TSHZ2: variants seen among roughly 807,000 people sequenced by gnomAD.
TSHZ2 encodes the protein teashirt homolog 2.
A neutral mutation model predicts 74.4 loss-of-function variants in TSHZ2; 21 were observed. The ratio of observed to expected loss-of-function variants is 0.28; its 90% CI spans 0.20 to 0.41. TSHZ2 has a LOEUF of 0.41. Ranked by LOEUF, TSHZ2 falls within the 10% of genes least tolerant of loss-of-function variation. The pLI is 1.00. For synonymous variants in TSHZ2, 540 were observed against 515.3 expected (o/e 1.05, Z -0.65); for missense variants, 1,244 against 1,293.5 (o/e 0.96, Z 0.59).
At chr20:53,151,581 A>C (rs1987678181) in intron 1 of TSHZ2, among the ~76,000 whole-genome samples, 1 of 152,230 alleles carries the variant, frequency 6.6e-6, no homozygotes, top group Admixed American at 6.5e-5. Context: ...TCTGCAATGA[A>C]GCATTAGGAT....
At chr20:53,374,661 T>TCTG (rs1981595721) in intron 2 of TSHZ2, among the ~76,000 whole-genome samples, 1 of 152,172 alleles carries the variant, frequency 6.6e-6, no homozygotes, top group Non-Finnish European at 1.5e-5. Context: ...TTTGTTTTGT[T>TCTG]TTGTTTTGGT....
chr20:53,425,236 T>C (rs988527049), intron 2 of TSHZ2, among the ~76,000 whole-genome samples: 3 of 152,180 alleles, frequency 2.0e-5, no homozygotes, highest in Non-Finnish European at 4.4e-5. Context: ...AGAGCAGAAA[T>C]ATAGTGCAGT....
intron 2 of TSHZ2, among the ~76,000 whole-genome samples, chr20:53,476,201 A>C (rs1985988008): frequency 6.8e-6 from 1 of 146,538 alleles, no homozygotes; most frequent in Non-Finnish European, 1.5e-5. Context: ...GCAGAGACAC[A>C]ACAAAAAAAG....
intron 2 of TSHZ2, among the ~76,000 whole-genome samples, chr20:53,269,939 T>C (rs1246302891): frequency 6.6e-6 from 1 of 152,218 alleles, no homozygotes. Flanking sequence ...AATCCTTTTT[T>C]ATATAAAATA....
chr20:53,057,017 G>T (rs1360057926), intron 1 of TSHZ2, among the ~76,000 whole-genome samples: 1 of 152,130 alleles, frequency 6.6e-6, no homozygotes, highest in Admixed American at 6.5e-5. Flanking sequence ...CATTGGGGCA[G>T]GTTTTTCCTG....
intron 2 of TSHZ2, among the ~76,000 whole-genome samples, chr20:53,450,914 T>G (rs1027747417): frequency 6.6e-6 from 1 of 151,962 alleles, no homozygotes; most frequent in African/African-American, 2.4e-5. Context: ...TTTAGTTTCC[T>G]CTTTACAGTG....
At chr20:53,118,476 A>G (rs1986727660) in intron 1 of TSHZ2, among the ~76,000 whole-genome samples, 1 of 152,158 alleles carries the variant, frequency 6.6e-6, no homozygotes, top group Non-Finnish European at 1.5e-5. Flanking sequence ...CAGGAGAAAG[A>G]TGAGTGGAGG....
intron 1 of TSHZ2, among the ~76,000 whole-genome samples, chr20:53,096,670 G>A (rs1986059074): frequency 6.6e-6 from 1 of 151,930 alleles, no homozygotes; most frequent in South Asian, 2.1e-4. Context: ...ATCACCTGAG[G>A]TAAGGAGTCC....
intron 1 of TSHZ2, among the ~76,000 whole-genome samples, chr20:53,027,503 A>T (rs932207943): frequency 6.6e-6 from 1 of 152,178 alleles, no homozygotes; most frequent in East Asian, 1.9e-4. Flanking sequence ...AGGGGAAGGG[A>T]TGGTAGAAGA....
At chr20:53,365,192 A>G (rs1433342249) in intron 2 of TSHZ2, among the ~76,000 whole-genome samples, 3 of 152,154 alleles carry the variant, frequency 2.0e-5, no homozygotes, top group Non-Finnish European at 4.4e-5. Context: ...AATGAAGGAA[A>G]CTTTTGTCAT....
intron 1 of TSHZ2, among the ~76,000 whole-genome samples, chr20:53,252,062 A>G (rs922165569): frequency 5.9e-5 from 9 of 152,246 alleles, no homozygotes; most frequent in African/African-American, 1.7e-4. Flanking sequence ...CAGATATTAG[A>G]CAAAATGAAA....
chr20:53,415,138 C>A (rs1600621349), intron 2 of TSHZ2, among the ~76,000 whole-genome samples: 1 of 152,160 alleles, frequency 6.6e-6, no homozygotes, highest in South Asian at 2.1e-4. Flanking sequence ...AAGAAAATAT[C>A]TTTCCCCTCT....
chr20:53,235,621 C>T (rs369943302), intron 1 of TSHZ2, among the ~76,000 whole-genome samples: 10 of 152,312 alleles, frequency 6.6e-5, no homozygotes, highest in Admixed American at 6.5e-5. Flanking sequence ...CTGTACCAGG[C>T]ACACAGTAGG....
In TSHZ2 at chr20:53,491,009, C is replaced by T. The variant is rs1382929669; in HGVS notation, c.*3874C>T. 6.6e-6 allele frequency: 1 copy of T among 151,188 alleles called. No homozygotes were observed. The highest frequency in any genetic ancestry group is 1.5e-5 in the Non-Finnish European group (1 of 67,906). The allele number at this position is 151,188 out of a possible 1,614,324, so 9.4% of individuals were successfully genotyped here. ...TCAGGTTATTTGACTGTGTTCAAACCTTCTTTTCTTTTTCATTGAGTTTCA... is the reference window on the plus strand; with the variant it reads ...TCAGGTTATTTGACTGTGTTCAAACTTTCTTTTCTTTTTCATTGAGTTTCA... On this transcript the variant is annotated 3_prime_UTR_variant, in exon 3 of 3. Coordinates refer to ENST00000371497, the MANE Select transcript of TSHZ2 (RefSeq NM_173485.6).
intron 2 of TSHZ2, among the ~76,000 whole-genome samples, chr20:53,259,707 C>A (rs1457855062): frequency 6.6e-6 from 1 of 152,174 alleles, no homozygotes; most frequent in African/African-American, 2.4e-5. Context: ...GGTTGCCAGA[C>A]AAAATACAGA....
intron 2 of TSHZ2, among the ~76,000 whole-genome samples, chr20:53,453,380 T>C (rs1365517675): frequency 1.3e-5 from 2 of 152,204 alleles, no homozygotes; most frequent in Admixed American, 1.3e-4. Context: ...TGCTCTCAAA[T>C]ATGTGGTGAA....
intron 2 of TSHZ2, among the ~76,000 whole-genome samples, chr20:53,342,950 C>CTTTTCTTT (rs1980270236): frequency 1.3e-5 from 1 of 78,888 alleles, no homozygotes. Flanking sequence ...CTTTTCTTTT[C>CTTTTCTTT]TTTTCTTTTT....
intron 1 of TSHZ2, among the ~76,000 whole-genome samples, chr20:52,998,697 C>T (rs150637916): frequency 1.3e-5 from 2 of 152,298 alleles, no homozygotes; most frequent in African/African-American, 4.8e-5. Context: ...GCACACAGTT[C>T]CATGAGGGCA....
At chr20:53,370,714 T>A (rs1981436753) in intron 2 of TSHZ2, among the ~76,000 whole-genome samples, 1 of 151,946 alleles carries the variant, frequency 6.6e-6, no homozygotes, top group Non-Finnish European at 1.5e-5. Flanking sequence ...CAGTGAGCCG[T>A]GATGATGACA....
Sources: allele counts gnomAD v4.1 joint callset (sites outside exome capture counted in the v4.1 genomes callset), GRCh38; gene constraint gnomAD v4.1.1; transcripts MANE v1.5; gene names NCBI Gene and HGNC (gene_info 2026-07-23, HGNC 2026-07-21).